Variants in PLCB1 observed in about 807,000 individuals in gnomAD.
PLCB1 encodes the protein phospholipase C beta 1.
PLCB1 carries 46 observed loss-of-function variants against 161.8 expected under a neutral mutation model. The ratio of observed to expected loss-of-function variants is 0.28; its 90% CI spans 0.22 to 0.36. The LOEUF is 0.36. Among genes scored for constraint, PLCB1 ranks in the 10% least tolerant of loss-of-function variants. The pLI, the probability that PLCB1 is intolerant of heterozygous loss-of-function variation, is 1.00. For synonymous variants in PLCB1, 517 were observed against 503.7 expected, an observed-to-expected ratio of 1.03 and a Z score of -0.35; for missense variants, 1,016 against 1,472.5, an observed-to-expected ratio of 0.69 and a Z score of 5.07.
intron 3 of PLCB1, among the ~76,000 whole-genome samples, chr20:8,400,605 C>T (rs1007282444): frequency 3.3e-5 from 5 of 152,096 alleles, no homozygotes; most frequent in South Asian, 2.1e-4. Context: ...TTCTTGTTTT[C>T]GTTTCCCAGA....
intron 2 of PLCB1, among the ~76,000 whole-genome samples, chr20:8,256,319 G>A (rs1981412088): frequency 6.6e-6 from 1 of 152,112 alleles, no homozygotes; most frequent in Non-Finnish European, 1.5e-5. Flanking sequence ...GCTTCCTTGT[G>A]TGTATGGTCA....
chr20:8,841,954 T>C (rs1986519294), intron 31 of PLCB1, among the ~76,000 whole-genome samples: 1 of 152,136 alleles, frequency 6.6e-6, no homozygotes, highest in Non-Finnish European at 1.5e-5. Context: ...TTGGGGATAA[T>C]AGAGAGTAAA....
intron 3 of PLCB1, among the ~76,000 whole-genome samples, chr20:8,506,530 G>GA (rs1226987872): frequency 1.3e-5 from 2 of 152,018 alleles, no homozygotes; most frequent in African/African-American, 4.8e-5. Flanking sequence ...AGTACATCAG[G>GA]AAAAATCAGA....
chr20:8,505,769 C>G (rs1033810664), intron 3 of PLCB1, among the ~76,000 whole-genome samples: 1 of 152,178 alleles, frequency 6.6e-6, no homozygotes, highest in Non-Finnish European at 1.5e-5. Flanking sequence ...GAGAAGCAAT[C>G]TCTTGGAGCT....
intron 3 of PLCB1, among the ~76,000 whole-genome samples, chr20:8,444,091 C>T (rs1353038534): frequency 6.6e-6 from 1 of 151,848 alleles, no homozygotes; most frequent in Non-Finnish European, 1.5e-5. Context: ...GCACAATGTG[C>T]AGGTTTGTTA....
At position 8,340,617 on chromosome 20, in the gene PLCB1, G is replaced by T. The variant is rs6055759; in HGVS notation, c.178-30765G>T. 3.4e-3 allele frequency among the ~76,000 whole-genome samples: 513 copies of T among 151,952 alleles called. 2 individuals carry two copies. The highest frequency in any genetic ancestry group is 0.011 in the African/African-American group (476 of 41,426). On this transcript the variant is annotated intron_variant, in intron 2 of 31. Coordinates refer to ENST00000338037, the MANE Select transcript of PLCB1 (RefSeq NM_015192.4). ...TTTTTGTGTTTTTTAGTAGAGACGGGGTTTCACTGTGTTAGCCAGGATGGT... is the reference window on the plus strand; with the variant it reads ...TTTTTGTGTTTTTTAGTAGAGACGGTGTTTCACTGTGTTAGCCAGGATGGT...
At chr20:8,259,685 C>T (rs1258707256) in intron 2 of PLCB1, among the ~76,000 whole-genome samples, 1 of 152,142 alleles carries the variant, frequency 6.6e-6, no homozygotes, top group Non-Finnish European at 1.5e-5. Flanking sequence ...TCAGGCATAC[C>T]AGTAGATCTC....
chr20:8,550,074 C>T (rs1203644981), intron 3 of PLCB1, among the ~76,000 whole-genome samples: 1 of 152,138 alleles, frequency 6.6e-6, no homozygotes, highest in Admixed American at 6.5e-5. Context: ...CATGCCTGTA[C>T]CCCTATTGTA....
At chr20:8,421,398 T>C (rs1474877709) in intron 3 of PLCB1, among the ~76,000 whole-genome samples, 1 of 152,116 alleles carries the variant, frequency 6.6e-6, no homozygotes, top group Non-Finnish European at 1.5e-5. Flanking sequence ...CCCCTGAGGG[T>C]GCACCCTTGG....
At chr20:8,771,451 G>A (rs6086588) in intron 26 of PLCB1, among the ~76,000 whole-genome samples, 3 of 152,104 alleles carry the variant, frequency 2.0e-5, no homozygotes, top group Admixed American at 2.0e-4. Context: ...TCAGCTCTTA[G>A]CTTCTGAGAA....
At chr20:8,140,018 T>C (rs1324167331) in intron 1 of PLCB1, among the ~76,000 whole-genome samples, 1 of 152,102 alleles carries the variant, frequency 6.6e-6, no homozygotes. Context: ...CTAAAAGAGG[T>C]GGGACTTTCT....
At chr20:8,570,382 G>A (rs1304706412) in intron 3 of PLCB1, among the ~76,000 whole-genome samples, 1 of 151,990 alleles carries the variant, frequency 6.6e-6, no homozygotes, top group East Asian at 1.9e-4. Context: ...CAATATCTAC[G>A]GTAATATATG....
intron 4 of PLCB1, among the ~76,000 whole-genome samples, chr20:8,629,861 CTT>C (rs1406727929): frequency 1.1e-5 from 1 of 92,128 alleles, no homozygotes; most frequent in African/African-American, 4.7e-5. Context: ...TTCTTTCTTT[CTT>C]TCTTTCTTTC....
chr20:8,490,051 C>A (rs1427561132), intron 3 of PLCB1, among the ~76,000 whole-genome samples: 1 of 152,082 alleles, frequency 6.6e-6, no homozygotes, highest in Non-Finnish European at 1.5e-5. Flanking sequence ...TCAAACTAGG[C>A]AAGAGAAGAG....
intron 31 of PLCB1, among the ~76,000 whole-genome samples, chr20:8,803,269 G>A (rs1398973419): frequency 6.6e-6 from 1 of 151,862 alleles, no homozygotes; most frequent in African/African-American, 2.4e-5. Context: ...TAGCTCCCAG[G>A]GGATGTTGAT....
intron 26 of PLCB1, among the ~76,000 whole-genome samples, chr20:8,770,027 AC>A (rs5840283): frequency 0.24 from 36,979 of 151,740 alleles, 5,107 homozygotes; most frequent in Non-Finnish European, 0.32. Flanking sequence ...ATCTCGGCTC[AC>A]TGCAAGCTCC....
intron 2 of PLCB1, among the ~76,000 whole-genome samples, chr20:8,155,018 A>G (rs2051545170): frequency 6.6e-6 from 1 of 152,066 alleles, no homozygotes; most frequent in Non-Finnish European, 1.5e-5. Flanking sequence ...TCCATATGTA[A>G]TGTATTATGA....
rs1600224631 is a variant in PLCB1, at chr20:8,648,083, C to T, written c.518+130C>T. 4.9e-5 allele frequency: 30 copies of T among 609,464 alleles called. No homozygotes were observed. The East Asian group carries it at 8.6e-4, about 18-fold the overall frequency. 37.8% of individuals were successfully genotyped at this position (609,464 alleles called of 1,614,324 possible). A position where few individuals can be genotyped will look rare whatever the true frequency, so the allele number is the denominator to read the frequency against. On this transcript the variant is annotated intron_variant, in intron 6 of 31. Coordinates refer to ENST00000338037, the MANE Select transcript of PLCB1 (RefSeq NM_015192.4). ...GAAATGCGTGGTAGCCCTGTCCTCC[C>T]TCACACATGTCTCATGTCAGTGCAG...
rs188522069 is a variant in PLCB1 at position 8,247,718 on chromosome 20, C to A, written c.177+97347C>A. ...AGTAAATGCTCAATATTTTTTTACTCTCAAAAGCAAGGGCAGCATAGGAAA... is the reference window on the plus strand; with the variant it reads ...AGTAAATGCTCAATATTTTTTTACTATCAAAAGCAAGGGCAGCATAGGAAA... On this transcript the variant is annotated intron_variant, in intron 2 of 31. Transcript: ENST00000338037. 1.3e-3 allele frequency among the ~76,000 whole-genome samples: 205 copies of A among 151,896 alleles called. 2 individuals are homozygous for A. The highest frequency in any genetic ancestry group is 5.8e-4 in the East Asian group (3 of 5,142).
Sources: gnomAD v4.1 joint callset for allele counts (sites outside exome capture counted in the v4.1 genomes callset) on GRCh38, gnomAD v4.1.1 for gene constraint, MANE v1.5 for transcripts, NCBI Gene and HGNC (gene_info 2026-07-23, HGNC 2026-07-21) for gene names.